The following XYLT1 variants were observed in gnomAD, a reference collection of about 807,000 sequenced individuals.
The protein encoded by XYLT1 is xylosyltransferase 1, also known as beta-D-xylosyltransferase 1.
In XYLT1, 36 loss-of-function variants were observed where a neutral mutation model predicts 91.3. That is an observed-to-expected ratio of 0.39 (90% CI 0.30 to 0.52). The LOEUF (loss-of-function observed/expected upper bound fraction) is 0.52. Ranked by LOEUF, XYLT1 falls within the 20% of genes least tolerant of loss-of-function variation. XYLT1 has a pLI of 0.68. For synonymous variants in XYLT1, 588 were observed against 532.0 expected, an observed-to-expected ratio of 1.11 and a Z score of -1.45; for missense variants, 1,242 against 1,284.5, an observed-to-expected ratio of 0.97 and a Z score of 0.51.
chr16:17,228,892 C>T (rs930273735), intron 3 of XYLT1, among the ~76,000 whole-genome samples: 27 of 152,180 alleles, frequency 1.8e-4, no homozygotes, highest in African/African-American at 6.3e-4. Flanking sequence ...AACTGTGACT[C>T]AGAGAGATTA....
At chr16:17,463,005 G>C (rs934076424) in intron 1 of XYLT1, among the ~76,000 whole-genome samples, 1 of 152,142 alleles carries the variant, frequency 6.6e-6, no homozygotes, top group Non-Finnish European at 1.5e-5. Flanking sequence ...CTGGAAAAAC[G>C]GGATAGCCAT....
At chr16:17,152,386 T>G (rs931670443) in intron 6 of XYLT1, among the ~76,000 whole-genome samples, 20 of 152,226 alleles carry the variant, frequency 1.3e-4, no homozygotes, top group South Asian at 4.1e-4. Context: ...CAAACAGTCA[T>G]GAACGCATCG....
rs989548394 is a variant in XYLT1, at chr16:17,312,957, G to C, written c.402+45055C>G. Among the ~76,000 whole-genome samples the C allele has an allele frequency of 6.6e-6, 1 of 152,248 alleles. No individual in the cohort carries two copies. Among genetic ancestry groups the C allele is most frequent in the African/African-American group, 2.4e-5 (1 of 41,472 alleles). ...GTTCCAGACCCATCCCAAAGAACCGGATCCTCTTGGAAAAGCTCCCCCTGG... is the reference window on the plus strand; with the variant it reads ...GTTCCAGACCCATCCCAAAGAACCGCATCCTCTTGGAAAAGCTCCCCCTGG... On this transcript the variant is annotated intron_variant, in intron 2 of 11. Transcript: ENST00000261381. The surrounding 1 kb of genome is among the most constrained non-coding windows in gnomAD (Gnocchi z 4.4).
chr16:17,379,483 A>G (rs2035643605), intron 1 of XYLT1, among the ~76,000 whole-genome samples: 1 of 152,160 alleles, frequency 6.6e-6, no homozygotes, highest in African/African-American at 2.4e-5. Flanking sequence ...TGGCATGAAA[A>G]TGGGAACCTG....
At chr16:17,302,007 T>G (rs2034402835) in intron 2 of XYLT1, among the ~76,000 whole-genome samples, 1 of 152,094 alleles carries the variant, frequency 6.6e-6, no homozygotes, top group African/African-American at 2.4e-5. Flanking sequence ...AGGTCAGAAG[T>G]TCAAGACCAA....
rs181507162 is a variant in XYLT1 at position 17,296,307 on chromosome 16, C to T, written c.403-36809G>A. ...GGTACCACAGGAGGCAGGCTCAGCG[C>T]GTTTATCCCCATGTAAAGATTGCAG... On this transcript the variant is annotated intron_variant, in intron 2 of 11. Coordinates refer to ENST00000261381, the MANE Select transcript of XYLT1 (RefSeq NM_022166.4). Among the ~76,000 whole-genome samples the T allele has an allele frequency of 3.8e-3, 576 of 152,262 alleles. 4 individuals are homozygous for T. Among genetic ancestry groups the T allele is most frequent in the African/African-American group, 0.012 (481 of 41,554 alleles).
chr16:17,430,221 G>A (rs2036373837), intron 1 of XYLT1, among the ~76,000 whole-genome samples: 1 of 152,072 alleles, frequency 6.6e-6, no homozygotes, highest in Admixed American at 6.6e-5. Flanking sequence ...ATAATACACA[G>A]GTTGAGCATC....
chr16:17,228,761 C>T (rs182306674), intron 3 of XYLT1, among the ~76,000 whole-genome samples: 1 of 152,166 alleles, frequency 6.6e-6, no homozygotes, highest in Non-Finnish European at 1.5e-5. Context: ...ACAATAGGAA[C>T]AACAATCATT....
At chr16:17,145,336 A>T (rs2031104188) in intron 6 of XYLT1, among the ~76,000 whole-genome samples, 1 of 152,214 alleles carries the variant, frequency 6.6e-6, no homozygotes, top group South Asian at 2.1e-4. Flanking sequence ...GGGTGGGAAC[A>T]TGACCCAGGA....
intron 1 of XYLT1, among the ~76,000 whole-genome samples, chr16:17,465,010 G>A (rs1310610289): frequency 1.3e-5 from 2 of 151,740 alleles, no homozygotes; most frequent in African/African-American, 4.8e-5. Context: ...CAGGCGTGGT[G>A]GTGCACGCCT....
chr16:17,390,236 C>G (rs2035800399), intron 1 of XYLT1, among the ~76,000 whole-genome samples: 1 of 152,122 alleles, frequency 6.6e-6, no homozygotes, highest in South Asian at 2.1e-4. Flanking sequence ...AGAACAAATT[C>G]CTCTTTCCCC....
intron 1 of XYLT1, among the ~76,000 whole-genome samples, chr16:17,432,267 T>C (rs368043814): frequency 2.5e-4 from 38 of 152,318 alleles, no homozygotes; most frequent in African/African-American, 8.2e-4. Context: ...CAGACTTCTA[T>C]GCAAATGCTC....
intron 2 of XYLT1, among the ~76,000 whole-genome samples, chr16:17,356,973 A>T (rs973770185): frequency 6.6e-6 from 1 of 151,908 alleles, no homozygotes; most frequent in African/African-American, 2.4e-5. Context: ...TCAGGAGATC[A>T]AGACCATCCT....
chr16:17,190,974 T>G (rs7201349), intron 5 of XYLT1, among the ~76,000 whole-genome samples: 54,371 of 152,096 alleles, frequency 0.36, 10,388 homozygotes, highest in South Asian at 0.51. Context: ...GAGTGCATAC[T>G]TCAGAGTTGT....
chr16:17,407,517 G>A (rs766771329), intron 1 of XYLT1, among the ~76,000 whole-genome samples: 3 of 152,072 alleles, frequency 2.0e-5, no homozygotes, highest in East Asian at 1.9e-4. Context: ...ATGGACATGC[G>A]TTCCTGGGCT....
At chr16:17,258,439 G>T (rs2033668725) in intron 3 of XYLT1, among the ~76,000 whole-genome samples, 1 of 149,600 alleles carries the variant, frequency 6.7e-6, no homozygotes. Context: ...GAGGAAGGAA[G>T]GGAGGAAAAA....
chr16:17,433,657 C>T (rs1384413079), intron 1 of XYLT1, among the ~76,000 whole-genome samples: 3 of 152,168 alleles, frequency 2.0e-5, no homozygotes, highest in Non-Finnish European at 2.9e-5. Context: ...TTGAGCCTAC[C>T]AGGTACAGAA....
chr16:17,159,779 C>T (rs1462008083), intron 5 of XYLT1, among the ~76,000 whole-genome samples: 2 of 152,220 alleles, frequency 1.3e-5, no homozygotes, highest in Non-Finnish European at 2.9e-5. Flanking sequence ...TCAGCACTAG[C>T]AGTGTAATCA....
At chr16:17,453,452 T>C (rs2141952478) in intron 1 of XYLT1, among the ~76,000 whole-genome samples, 1 of 152,280 alleles carries the variant, frequency 6.6e-6, no homozygotes, top group Middle Eastern at 3.4e-3. Flanking sequence ...ATTTTACTCT[T>C]CCAACCCTGT....
Sources: gnomAD v4.1 joint callset for allele counts (sites outside exome capture counted in the v4.1 genomes callset) on GRCh38, gnomAD v4.1.1 for gene constraint, Gnocchi (gnomAD v3.1) non-coding constraint, MANE v1.5 for transcripts, NCBI Gene and HGNC (gene_info 2026-07-23, HGNC 2026-07-21) for gene names.